KIFC3: variants seen among roughly 807,000 people sequenced by gnomAD.
KIFC3 encodes kinesin family member C3.
Under a neutral mutation model 101.8 loss-of-function variants are expected in KIFC3, and 60 were observed. That is an observed-to-expected ratio of 0.59 (90% CI 0.48 to 0.73). The LOEUF is 0.73. Among genes scored for constraint, KIFC3 ranks in the 30% least tolerant of loss-of-function variants. The probability of loss-of-function intolerance (pLI) is 0.00; values close to 1 mark genes in which losing one functional copy is unlikely to be tolerated. For missense variants in KIFC3, 966 were observed against 1,137.1 expected (o/e 0.85, Z 2.16); for synonymous variants, 476 against 482.7 (o/e 0.99, Z 0.18).
In KIFC3 at chr16:57,855,945, C is replaced by CA. The variant is rs34278624; in HGVS notation, c.108+6783dup. Among the ~76,000 whole-genome samples, 534 of 123,322 alleles carry CA rather than the reference C, an allele frequency of 4.3e-3. 1 individual carries two copies. The highest frequency in any genetic ancestry group is 0.011 in the African/African-American group (366 of 31,998). The allele number at this position is 123,322 out of a possible 152,430, so 80.9% of individuals were successfully genotyped here. A position where few individuals can be genotyped will look rare whatever the true frequency, so the allele number is the denominator to read the frequency against. On this transcript the variant is annotated intron_variant, in intron 1 of 2. Transcript: ENST00000563028. ...TGGGTGACAGAGTGAGACTCCATCT[C>CA]AAAAAAAAAAAAAAACCAAAAACAA... is the stretch of plus-strand genomic sequence containing the variant.
In KIFC3 at chr16:57,761,430, C is replaced by T. The variant is rs1405498841; in HGVS notation, c.1855G>A (p.Val619Met). Residue 619 changes from valine (V) to methionine (M), a missense_variant, in exon 14 of 20, where the codon GTG (valine) becomes ATG (methionine). By Grantham distance (21) the Val-to-Met change is conservative. This residue lies in a region of KIFC3 where 689 missense variants were observed against 884.6 expected (regional missense o/e 0.78). Transcript: ENST00000445690. The stretch of plus-strand genomic sequence containing the variant: ...CTCCACACCTTGTTGATGTCGTCCA[C>T]GCTCTGCACTTGGAACTCAGTCAGC... ...PGLTEFQVQS[V>M]DDINKVFEFG... 9.3e-6 allele frequency: 15 copies of T among 1,613,918 alleles called. No individual in the cohort carries two copies. Among genetic ancestry groups the T allele is most frequent in the South Asian group, 2.2e-5 (2 of 91,090 alleles).
chr16:57,788,739 A>T lies in KIFC3; in HGVS notation c.315+6260T>A, dbSNP rs781913112. Reference sequence around the variant, plus strand: ...CTGCCAAGACACAACCAGAATCCTCACGTGAAGGAGACTGTGCCAGGGAAG... The same window carrying T: ...CTGCCAAGACACAACCAGAATCCTCTCGTGAAGGAGACTGTGCCAGGGAAG... On this transcript the variant is annotated intron_variant, in intron 3 of 19. Coordinates refer to ENST00000445690, the MANE Select transcript of KIFC3 (RefSeq NM_001130100.2). 7.0e-6 allele frequency: 9 copies of T among 1,288,726 alleles called. No individual in the cohort carries two copies. In the South Asian group the frequency reaches 1.1e-4, roughly 16 times the overall value. 79.8% of individuals were successfully genotyped at this position (1,288,726 alleles called of 1,614,324 possible). A position where few individuals can be genotyped will look rare whatever the true frequency, so the allele number is the denominator to read the frequency against.
chr16:57,765,428 C>T (rs2050375887), intron 11 of KIFC3, 31 bp downstream of exon 11: 2 of 1,546,598 alleles, frequency 1.3e-6, no homozygotes, highest in Non-Finnish European at 8.8e-7. Flanking sequence ...CTCTCCCTTG[C>T]TTTCCCTTTC....
At chr16:57,787,353 C>A (rs927013006) in intron 3 of KIFC3, among the ~76,000 whole-genome samples, 1 of 152,236 alleles carries the variant, frequency 6.6e-6, no homozygotes, top group South Asian at 2.1e-4. Flanking sequence ...TGTTACACAA[C>A]AGGCCATGGG....
At chr16:57,797,836 G>T (rs1468591071) in intron 2 of KIFC3, 4 of 1,437,078 alleles carry the variant, frequency 2.8e-6, no homozygotes, top group Non-Finnish European at 3.6e-6. Context: ...CCCGACCCGT[G>T]TTAAAGTTTA....
At chr16:57,834,835 A>G (rs1327259477) in intron 1 of KIFC3, among the ~76,000 whole-genome samples, 2 of 152,190 alleles carry the variant, frequency 1.3e-5, no homozygotes, top group Non-Finnish European at 2.9e-5. Context: ...TTTAGGTGCC[A>G]TTTGATTGAG....
At chr16:57,774,919 T>G in intron 3 of KIFC3, 1 of 1,461,178 alleles carries the variant, frequency 6.8e-7, no homozygotes, top group Non-Finnish European at 9.0e-7. Flanking sequence ...TGAAGTCTCC[T>G]TCCACGCCCC....
rs1555596337 is a variant in KIFC3, at chr16:57,760,958, G to A, written c.2003-3C>T. 4.4e-6 allele frequency: 7 copies of A among 1,606,474 alleles called. No individual in the cohort carries two copies. In the Admixed American group the frequency reaches 6.7e-5, roughly 15 times the overall value. On this transcript the variant is annotated splice_region_variant and splice_polypyrimidine_tract_variant and intron_variant, in intron 15 of 19. Transcript: ENST00000445690. ...CAAGTCCACCAGGTTCAGCTTCCCT[G>A]CAGGGAAGGCACCCACCAGATCAGG...
chr16:57,796,201 CCTT>C (rs2054307503), intron 2 of KIFC3, among the ~76,000 whole-genome samples: 1 of 152,174 alleles, frequency 6.6e-6, no homozygotes, highest in African/African-American at 2.4e-5. Context: ...CCTTTACACA[CCTT>C]CTTGGTCCTC....
upstream of KIFC3, among the ~76,000 whole-genome samples, chr16:57,804,986 C>T (rs2054901421): frequency 6.6e-6 from 1 of 151,736 alleles, no homozygotes. Context: ...CACACCACCA[C>T]ACCCAGCTAA....
At chr16:57,798,577 G>A in intron 1 of KIFC3, 3 of 506,086 alleles carry the variant, frequency 5.9e-6, no homozygotes, top group African/African-American at 2.0e-5. Context: ...GGAGCCTGAG[G>A]ACAAGCCAGG....
intron 17 of KIFC3, 175 bp from the exon 18 acceptor site, chr16:57,760,011 C>T: frequency 1.6e-6 from 1 of 617,568 alleles, no homozygotes; most frequent in Non-Finnish European, 2.8e-6. Context: ...TGAGATAATT[C>T]ATGTAAAGAA....
intron 1 of KIFC3, among the ~76,000 whole-genome samples, chr16:57,827,033 G>A (rs2055473468): frequency 6.6e-6 from 1 of 152,194 alleles, no homozygotes; most frequent in South Asian, 2.1e-4. Flanking sequence ...CGCTCAGTTA[G>A]GCTTTAATAT....
intron 1 of KIFC3, among the ~76,000 whole-genome samples, chr16:57,847,251 GAA>G (rs1567339342): frequency 8.6e-5 from 9 of 104,116 alleles, no homozygotes; most frequent in Middle Eastern, 4.5e-3. Flanking sequence ...AGGAAGGAAG[GAA>G]GGAAGGAAGG....
intron 3 of KIFC3, among the ~76,000 whole-genome samples, chr16:57,777,349 T>C (rs2052222586): frequency 6.6e-6 from 1 of 152,166 alleles, no homozygotes; most frequent in Admixed American, 6.5e-5. Flanking sequence ...AAAATCCATA[T>C]CAAGGGACAC....
chr16:57,854,494 G>A (rs2056123495), intron 1 of KIFC3, among the ~76,000 whole-genome samples: 1 of 152,092 alleles, frequency 6.6e-6, no homozygotes, highest in Non-Finnish European at 1.5e-5. Context: ...CAGCCATGGT[G>A]GCATGCACCT....
At chr16:57,834,156 C>G (rs2149300552) in intron 1 of KIFC3, among the ~76,000 whole-genome samples, 1 of 152,170 alleles carries the variant, frequency 6.6e-6, no homozygotes, top group East Asian at 1.9e-4. Flanking sequence ...CCACCGCGCC[C>G]CGGGAATGCA....
intron 1 of KIFC3, among the ~76,000 whole-genome samples, chr16:57,838,309 C>T (rs960345635): frequency 3.9e-5 from 6 of 152,030 alleles, no homozygotes; most frequent in Admixed American, 1.3e-4. Context: ...AAAATTCATG[C>T]GCCCTGCGAA....
chr16:57,823,799 GTGTGTT>G (rs2055404174), intron 1 of KIFC3, among the ~76,000 whole-genome samples: 16 of 144,640 alleles, frequency 1.1e-4, no homozygotes, highest in Middle Eastern at 3.6e-3. Flanking sequence ...GTGTGTGTGT[GTGTGTT>G]TTTAGTAGAG....
Sources: gnomAD v4.1 joint callset for allele counts (sites outside exome capture counted in the v4.1 genomes callset) on GRCh38, gnomAD v4.1.1 for gene constraint, gnomAD v4.1.1 regional missense constraint, MANE v1.5 for transcripts, NCBI Gene and HGNC (gene_info 2026-07-23, HGNC 2026-07-21) for gene names.